The following ANKRD18B variants were observed in gnomAD, a reference collection of about 807,000 sequenced individuals.
ANKRD18B encodes the protein ankyrin repeat domain-containing protein 18B.
A neutral mutation model predicts 111.8 loss-of-function variants in ANKRD18B; 75 were observed. The ratio of observed to expected loss-of-function variants is 0.67; its 90% CI spans 0.56 to 0.81. ANKRD18B has a LOEUF of 0.81. Among genes scored for constraint, ANKRD18B ranks in the 40% least tolerant of loss-of-function variants. ANKRD18B has a pLI of 0.00. For synonymous variants in ANKRD18B, 356 were observed against 417.3 expected (o/e 0.85, Z 1.79); for missense variants, 1,038 against 1,225.5 (o/e 0.85, Z 2.28).
intron 11 of ANKRD18B, among the ~76,000 whole-genome samples, chr9:33,549,798 A>C (rs1366926072): frequency 1.3e-5 from 2 of 152,174 alleles, no homozygotes; most frequent in Non-Finnish European, 2.9e-5. Flanking sequence ...AAAATATTTG[A>C]TGTAATGTTT....
intron 1 of ANKRD18B, among the ~76,000 whole-genome samples, chr9:33,525,172 C>T (rs1400538424): frequency 6.6e-6 from 1 of 152,114 alleles, no homozygotes; most frequent in African/African-American, 2.4e-5. Context: ...TTACATAAAC[C>T]GAATGAAAAT....
intron 9 of ANKRD18B, among the ~76,000 whole-genome samples, 186 bp downstream of exon 9, chr9:33,541,413 A>G (rs1398810013): frequency 1.3e-5 from 2 of 152,148 alleles, no homozygotes; most frequent in Non-Finnish European, 1.5e-5. Flanking sequence ...ATTTGAAAAT[A>G]TTGGTGTTGC....
intron 10 of ANKRD18B, among the ~76,000 whole-genome samples, chr9:33,544,564 G>T (rs1029933954): frequency 6.6e-6 from 1 of 152,094 alleles, no homozygotes; most frequent in Non-Finnish European, 1.5e-5. Context: ...AATTCTGGGC[G>T]TGGTGGCTCA....
chr9:33,535,273 A>G (rs1243830899), intron 5 of ANKRD18B, among the ~76,000 whole-genome samples: 6 of 151,622 alleles, frequency 4.0e-5, no homozygotes, highest in Non-Finnish European at 7.4e-5. Flanking sequence ...CCACAGCTAC[A>G]GTGTTTTGTT....
intron 12 of ANKRD18B, among the ~76,000 whole-genome samples, chr9:33,553,172 G>A (rs1208170279): frequency 6.7e-6 from 1 of 148,782 alleles, no homozygotes; most frequent in African/African-American, 2.5e-5. Context: ...ACCAGCCAGA[G>A]CAATATAAGT....
At position 33,541,199 on chromosome 9, in the gene ANKRD18B, A is replaced by G. The variant is rs1397625767; in HGVS notation, c.1050A>G (p.Lys350=). 59 of 1,530,608 alleles carry G rather than the reference A, an allele frequency of 3.9e-5. No homozygotes were observed. The highest frequency in any genetic ancestry group is 1.8e-6 in the Non-Finnish European group (2 of 1,132,910). 94.8% of individuals were successfully genotyped at this position (1,530,608 alleles called of 1,614,324 possible). Residue 350 remains lysine, a synonymous_variant, in exon 9 of 19, where the codon AAA becomes AAG. Transcript: ENST00000684830. The part of the protein sequence containing the change: ...ENLKKRKKRK[K]LKKRKEGAKE... ...TGAAAAAAAGAAAAAAAAGAAAAAAATTGAAAAAAAGAAAAGAAGGTGCAA... is the reference window on the plus strand; with the variant it reads ...TGAAAAAAAGAAAAAAAAGAAAAAAGTTGAAAAAAAGAAAAGAAGGTGCAA...
chr9:33,568,700 C>T lies in ANKRD18B; in HGVS notation c.2984C>T (p.Thr995Ile). Reference protein sequence around the residue: ...KSDKKIAVISTKLFMEKERME... With the variant: ...KSDKKIAVISIKLFMEKERME... ...GATAAGAAAATAGCTGTGATCAGCA[C>T]CAAGCTCTTTATGGAGAAAGAGCGG... The change falls in exon 17 of 19, where the codon ACC (threonine) becomes ATC (isoleucine). Residue 995 changes from threonine to isoleucine, a missense_variant. Thr to Ile is a moderately conservative substitution (Grantham distance 89). Transcript: ENST00000684830. 6.5e-7 allele frequency: 1 copy of T among 1,550,332 alleles called. No individual in the cohort carries two copies. The highest frequency in any genetic ancestry group is 8.7e-7 in the Non-Finnish European group (1 of 1,146,366).
At chr9:33,558,548 T>C (rs1828561259) in intron 14 of ANKRD18B, among the ~76,000 whole-genome samples, 1 of 152,170 alleles carries the variant, frequency 6.6e-6, no homozygotes, top group Non-Finnish European at 1.5e-5. Context: ...TATGGCTCCA[T>C]AGTATTCCAT....
chr9:33,528,331 G>A (rs773462806), intron 1 of ANKRD18B, among the ~76,000 whole-genome samples: 1 of 152,184 alleles, frequency 6.6e-6, no homozygotes, highest in African/African-American at 2.4e-5. Flanking sequence ...TTATTGAGTT[G>A]TTGCTTGTTC....
At position 33,554,585 on chromosome 9, in the gene ANKRD18B, G is replaced by A. The variant is rs371396409; in HGVS notation, c.2218-1123G>A. Among the ~76,000 whole-genome samples the A allele has an allele frequency of 2.8e-4, 43 of 152,304 alleles. 1 individual carries two copies. The highest frequency in any genetic ancestry group is 1.0e-3 in the African/African-American group (42 of 41,564). ...TGAGAGGCCGAGGAGGGCAGATCAT[G>A]TGGTAAGGAGTTCAATACCAGCGTG... is the stretch of plus-strand genomic sequence containing the variant. On this transcript the variant is annotated intron_variant, in intron 12 of 18. Coordinates refer to ENST00000684830, the MANE Select transcript of ANKRD18B (RefSeq NM_001393611.1).
chr9:33,574,862 G>A (rs2118169492), downstream of ANKRD18B, among the ~76,000 whole-genome samples: 1 of 152,340 alleles, frequency 6.6e-6, no homozygotes, highest in East Asian at 1.9e-4. Flanking sequence ...GTGGTGGGTT[G>A]TGTCATCCCA....
At chr9:33,555,357 A>G (rs1254312984) in intron 12 of ANKRD18B, among the ~76,000 whole-genome samples, 2 of 152,320 alleles carry the variant, frequency 1.3e-5, no homozygotes, top group Admixed American at 6.5e-5. Flanking sequence ...AATATCTTAA[A>G]CTATTAATGA....
intron 4 of ANKRD18B, 103 bp downstream of exon 4, chr9:33,533,648 T>C (rs1184114125): frequency 6.3e-6 from 9 of 1,425,910 alleles, no homozygotes; most frequent in Admixed American, 3.2e-5. Context: ...ATTAAACTTA[T>C]AATTATTGGC....
At chr9:33,567,363 G>T (rs1689078387) in intron 16 of ANKRD18B, 49 bp downstream of exon 16, 1 of 1,473,068 alleles carries the variant, frequency 6.8e-7, no homozygotes, top group South Asian at 1.3e-5. Flanking sequence ...TCATTAATTT[G>T]TTTTGAAAGC....
intron 2 of ANKRD18B, 42 bp from the exon 3 acceptor site, chr9:33,528,958 T>C: frequency 6.2e-7 from 1 of 1,607,014 alleles, no homozygotes; most frequent in Admixed American, 1.7e-5. Context: ...GTATTTTGAA[T>C]TCTTAGAATT....
chr9:33,548,692 G>T lies in ANKRD18B; in HGVS notation c.1904G>T (p.Arg635Leu). ...CTTGAACGACAACTAGAGGATGCTC[G>T]TAAGGAAGGTGATAATAAAGAGATA... ...LLLERQLEDA[R>L]KEGDNKEIVI... Residue 635 changes from arginine to leucine, a missense_variant, in exon 11 of 19, where the codon CGT becomes CTT. By Grantham distance (102) the Arg-to-Leu change is moderately radical (BLOSUM62 -2). Around this residue, in one of 4 missense-constraint regions of ANKRD18B, gnomAD observed 524 missense variants for 677.9 expected, o/e 0.77. Coordinates refer to ENST00000684830, the MANE Select transcript of ANKRD18B (RefSeq NM_001393611.1). 1.3e-6 allele frequency: 2 copies of T among 1,551,064 alleles called. No individual in the cohort carries two copies. The highest frequency in any genetic ancestry group is 1.7e-6 in the Non-Finnish European group (2 of 1,146,616).
chr9:33,572,413 A>T lies in ANKRD18B; in HGVS notation c.3321A>T (p.Leu1107Phe). The T allele has an allele frequency of 6.3e-7, 1 of 1,579,136 alleles. No individual in the cohort carries two copies. The highest frequency in any genetic ancestry group is 8.6e-7 in the Non-Finnish European group (1 of 1,163,130). ...LMKRIFNHKI[L>F]RKSCMI ...AGAGAATATTTAACCATAAAATCTT[A>T]AGGAAAAGTTGTATGATTTAAAAGA... Residue 1107 changes from leucine (L) to phenylalanine (F), a missense_variant, in exon 19 of 19, where the codon TTA becomes TTT. Coordinates refer to ENST00000684830, the MANE Select transcript of ANKRD18B (RefSeq NM_001393611.1).
At chr9:33,568,070 A>G (rs1285374825) in intron 16 of ANKRD18B, among the ~76,000 whole-genome samples, 2 of 152,196 alleles carry the variant, frequency 1.3e-5, no homozygotes, top group Admixed American at 1.3e-4. Flanking sequence ...CTCCCCCAGG[A>G]GTTGTTGCTC....
rs1398683744 is a variant in ANKRD18B at position 33,543,257 on chromosome 9, T to G, written c.1149+2T>G. ...AGAAGTGAAAATAAACAGCCGCAGG[T>G]ATATAACAATTTAAATTTCTGGTTT... On this transcript the variant is annotated splice_donor_variant, in intron 10 of 18. Coordinates refer to ENST00000684830, the MANE Select transcript of ANKRD18B (RefSeq NM_001393611.1). LOFTEE classifies it high-confidence loss of function. 2 of 1,543,568 alleles carry G rather than the reference T, an allele frequency of 1.3e-6. No homozygotes were observed. Among genetic ancestry groups the G allele is most frequent in the Middle Eastern group, 1.7e-4 (1 of 5,976 alleles).
Sources: allele counts gnomAD v4.1 joint callset (sites outside exome capture counted in the v4.1 genomes callset), GRCh38; gene constraint gnomAD v4.1.1; regional missense constraint gnomAD v4.1.1; transcripts MANE v1.5; gene names NCBI Gene and HGNC (gene_info 2026-07-23, HGNC 2026-07-21).